The following AXIN2 variants were observed in gnomAD, a reference collection of about 807,000 sequenced individuals.
The protein encoded by AXIN2 is axin-2.
In AXIN2, 21 loss-of-function variants were observed where a neutral mutation model predicts 74.7. That is an observed-to-expected ratio of 0.28 (90% CI 0.20 to 0.40). AXIN2 has a LOEUF of 0.40. Among genes scored for constraint, AXIN2 ranks in the 10% least tolerant of loss-of-function variants. The pLI is 1.00. For synonymous variants in AXIN2, 532 were observed against 454.9 expected (o/e 1.17, Z -2.16); for missense variants, 1,144 against 1,111.1 (o/e 1.03, Z -0.42).
At chr17:65,557,597 A>T (rs1417440819) in intron 2 of AXIN2, among the ~76,000 whole-genome samples, 1 of 152,258 alleles carries the variant, frequency 6.6e-6, no homozygotes, top group African/African-American at 2.4e-5. Flanking sequence ...GTTTGAAGTC[A>T]GCACTGGAAG....
At chr17:65,550,127 G>T (rs1190981056) in intron 2 of AXIN2, among the ~76,000 whole-genome samples, 1 of 152,168 alleles carries the variant, frequency 6.6e-6, no homozygotes, top group Non-Finnish European at 1.5e-5. Context: ...CCTTGTCTGG[G>T]GTCTGTTAGC....
At chr17:65,543,979 CCCTAGGG>C (rs2044079909) in intron 3 of AXIN2, among the ~76,000 whole-genome samples, 1 of 152,138 alleles carries the variant, frequency 6.6e-6, no homozygotes, top group African/African-American at 2.4e-5. Context: ...AATTCTGCTG[CCCTAGGG>C]CTGTAAGACA....
rs1060504485 is a variant in AXIN2 at position 65,534,055 on chromosome 17, T to G, written c.2262A>C (p.Ala754=). 5.0e-6 allele frequency: 8 copies of G among 1,614,256 alleles called. No homozygotes were observed. Among genetic ancestry groups the G allele is most frequent in the African/African-American group, 1.3e-5 (1 of 75,076 alleles). Residue 754 remains alanine (A), a synonymous_variant, in exon 10 of 11, where the codon GCA becomes GCC. Coordinates refer to ENST00000307078, the MANE Select transcript of AXIN2 (RefSeq NM_004655.4). The part of the protein sequence containing the change: ...PEDHKEPKKL[A]GVHALQASEL... ...CACTGGCCTGGAGCGCGTGGACACC[T>G]GCCAGTTTCTTTGGCTCTTTGTGAC...
chr17:65,558,575 T>C lies in AXIN2; in HGVS notation c.46A>G (p.Ser16Gly). The C allele has an allele frequency of 6.2e-7, 1 of 1,612,126 alleles. No individual in the cohort carries two copies. Among genetic ancestry groups the C allele is most frequent in the Non-Finnish European group, 8.5e-7 (1 of 1,179,998 alleles). Residue 16 changes from serine to glycine, a missense_variant, in exon 2 of 11, where the codon AGC becomes GGC. Coordinates refer to ENST00000307078, the MANE Select transcript of AXIN2 (RefSeq NM_004655.4). ...LVTCLPDPSS[S>G]FREDAPRPPV... is the part of the protein sequence containing the mutation. ...GGCCGCGGGGCATCCTCACGGAAGC[T>C]GCTGCTGGGGTCCGGGAGGCAAGTC...
intron 1 of AXIN2, chr17:65,560,281 G>T (rs976690332): frequency 1.3e-5 from 2 of 152,268 alleles, no homozygotes; most frequent in African/African-American, 2.4e-5. Context: ...CGAGGGACAC[G>T]GGCGCCCCGG....
chr17:65,535,536 A>C (rs1055953005), intron 9 of AXIN2, 90 bp downstream of exon 9: 3 of 1,323,370 alleles, frequency 2.3e-6, no homozygotes. Flanking sequence ...AAACCAAAAA[A>C]AGTTTCATGA....
rs776035442 is a variant in AXIN2 at position 65,529,388 on chromosome 17, T to C, written c.*588A>G. The C allele has an allele frequency of 2.9e-5, 7 of 241,832 alleles. No homozygotes were observed. The highest frequency in any genetic ancestry group is 4.1e-5 in the Non-Finnish European group (5 of 123,400). 15.0% of individuals were successfully genotyped at this position (241,832 alleles called of 1,614,324 possible). ...CACCAATTTCTGCATGTGTCAATGG[T>C]AGGGCACCATTTTAAAAAGTCTGTC... On this transcript the variant is annotated 3_prime_UTR_variant, in exon 11 of 11. Coordinates refer to ENST00000307078, the MANE Select transcript of AXIN2 (RefSeq NM_004655.4).
chr17:65,547,856 C>G (rs904847013), intron 3 of AXIN2, among the ~76,000 whole-genome samples: 3 of 152,120 alleles, frequency 2.0e-5, no homozygotes, highest in African/African-American at 7.2e-5. Context: ...AGAAACTTTT[C>G]AAAGGGGAAA....
rs1060502140 is a variant in AXIN2, at chr17:65,534,051, C to T, written c.2266G>A (p.Val756Ile). ...DHKEPKKLAG[V>I]HALQASELVV... is the part of the protein sequence containing the mutation. ...AACTCACTGGCCTGGAGCGCGTGGA[C>T]ACCTGCCAGTTTCTTTGGCTCTTTG... The change falls in exon 10 of 11, where the codon GTC becomes ATC. Residue 756 changes from valine (V) to isoleucine (I), a missense_variant. Around this residue, in one of 4 missense-constraint regions of AXIN2, gnomAD observed 1,053 missense variants for 973.5 expected, o/e 1.08. Transcript: ENST00000307078. 1.2e-5 allele frequency: 20 copies of T among 1,614,248 alleles called. No individual in the cohort carries two copies. The highest frequency in any genetic ancestry group is 1.5e-5 in the Non-Finnish European group (18 of 1,180,048).
At chr17:65,553,506 A>G (rs913552359) in intron 2 of AXIN2, among the ~76,000 whole-genome samples, 1 of 152,174 alleles carries the variant, frequency 6.6e-6, no homozygotes, top group Non-Finnish European at 1.5e-5. Context: ...CCTCCCAGCA[A>G]AAAAGACACC....
At chr17:65,537,219 C>T (rs2043941541) in intron 6 of AXIN2, 105 bp downstream of exon 6, 1 of 1,576,878 alleles carries the variant, frequency 6.3e-7, no homozygotes, top group Non-Finnish European at 8.7e-7. Flanking sequence ...CTGCCGCCCT[C>T]TTAGAAACTA....
intron 2 of AXIN2, among the ~76,000 whole-genome samples, chr17:65,551,368 C>T (rs558295833): frequency 4.7e-4 from 71 of 152,166 alleles, no homozygotes; most frequent in Non-Finnish European, 7.6e-4. Flanking sequence ...GTCTAATTAG[C>T]CAGGCTAAGA....
chr17:65,546,405 G>A (rs1321312753), intron 3 of AXIN2, among the ~76,000 whole-genome samples: 3 of 152,144 alleles, frequency 2.0e-5, no homozygotes, highest in African/African-American at 4.8e-5. Context: ...GTGACCGCCC[G>A]GTGCTGGGCA....
At chr17:65,552,491 A>G (rs1193120864) in intron 2 of AXIN2, among the ~76,000 whole-genome samples, 3 of 152,198 alleles carry the variant, frequency 2.0e-5, no homozygotes, top group East Asian at 1.9e-4. Context: ...TGATGAGGCC[A>G]CATTCTGTAA....
chr17:65,540,356 T>C (rs999749284), intron 4 of AXIN2, among the ~76,000 whole-genome samples: 29 of 152,168 alleles, frequency 1.9e-4, no homozygotes, highest in Admixed American at 1.6e-3. Flanking sequence ...GTTAACAGAA[T>C]AGATAAAACT....
At chr17:65,549,778 G>T in intron 2 of AXIN2, 118 bp from the exon 3 acceptor site, 2 of 1,327,892 alleles carry the variant, frequency 1.5e-6, no homozygotes, top group Non-Finnish European at 2.1e-6. Flanking sequence ...CCAACCTGCT[G>T]CCCAGGTCCA....
At chr17:65,549,756 A>G in intron 2 of AXIN2, 96 bp from the exon 3 acceptor site, 3 of 1,474,902 alleles carry the variant, frequency 2.0e-6, no homozygotes, top group South Asian at 1.2e-5. Flanking sequence ...CTATCCCACA[A>G]TCTGCTCAAC....
intron 3 of AXIN2, among the ~76,000 whole-genome samples, chr17:65,543,092 G>A (rs1384729512): frequency 6.6e-6 from 1 of 152,162 alleles, no homozygotes; most frequent in African/African-American, 2.4e-5. Context: ...CCAAACCCTG[G>A]CTAAGGAGTG....
chr17:65,536,401 G>A lies in AXIN2; in HGVS notation c.2060C>T (p.Pro687Leu), dbSNP rs771109399. 6.2e-7 allele frequency: 1 copy of A among 1,613,726 alleles called. No individual in the cohort carries two copies. The highest frequency in any genetic ancestry group is 8.5e-7 in the Non-Finnish European group (1 of 1,180,032). The change falls in exon 8 of 11, where the codon CCC becomes CTC. Residue 687 changes from proline to leucine, a missense_variant. By Grantham distance (98) the Pro-to-Leu change is moderately conservative. Transcript: ENST00000307078. ...AGCCAGCGTGTTGGGTGGGGTCAGG[G>A]GAGGCATCGCAGGGTCCTGGGTGAA... is the stretch of plus-strand genomic sequence containing the variant. ...HLFTQDPAMP[P>L]LTPPNTLAQL...
Sources: gnomAD v4.1 joint callset for allele counts (sites outside exome capture counted in the v4.1 genomes callset) on GRCh38, gnomAD v4.1.1 for gene constraint, gnomAD v4.1.1 regional missense constraint, MANE v1.5 for transcripts, NCBI Gene and HGNC (gene_info 2026-07-23, HGNC 2026-07-21) for gene names.